Variants in CTNNA3 observed in about 807,000 individuals in gnomAD.
CTNNA3 encodes the protein catenin alpha-3.
In CTNNA3, 76 loss-of-function variants were observed where a neutral mutation model predicts 95.7. The observed-to-expected ratio is 0.79, with a 90% CI of 0.66 to 0.96. The LOEUF is 0.96. CTNNA3 is among the 40% of genes least tolerant of loss of function. The pLI, the probability that CTNNA3 is intolerant of heterozygous loss-of-function variation, is 0.00. For missense variants in CTNNA3, 1,191 were observed against 1,089.8 expected (o/e 1.09, Z -1.31); for synonymous variants, 431 against 374.4 (o/e 1.15, Z -1.74).
chr10:66,238,136 C>T (rs749285316), intron 13 of CTNNA3, among the ~76,000 whole-genome samples: 1 of 151,850 alleles, frequency 6.6e-6, no homozygotes, highest in Non-Finnish European at 1.5e-5. Context: ...CAGGTTCACC[C>T]TATAGTTTTT....
intron 5 of CTNNA3, among the ~76,000 whole-genome samples, chr10:67,498,754 G>A (rs925406129): frequency 2.0e-5 from 3 of 152,054 alleles, no homozygotes; most frequent in Non-Finnish European, 4.4e-5. Flanking sequence ...TTGGCATATA[G>A]GAATGCTTGT....
At chr10:67,609,031 G>A (rs867421321) in intron 2 of CTNNA3, among the ~76,000 whole-genome samples, 10 of 149,002 alleles carry the variant, frequency 6.7e-5, no homozygotes, top group South Asian at 6.4e-4. Context: ...CAGAGGTTGC[G>A]GTGAGCCGAA....
intron 5 of CTNNA3, among the ~76,000 whole-genome samples, chr10:67,354,921 G>A (rs751671982): frequency 2.0e-5 from 3 of 151,956 alleles, no homozygotes; most frequent in Non-Finnish European, 4.4e-5. Flanking sequence ...GAAAAGGAAT[G>A]AAGGGTTTCC....
intron 5 of CTNNA3, among the ~76,000 whole-genome samples, chr10:67,325,756 C>T (rs1167903873): frequency 6.6e-6 from 1 of 151,980 alleles, no homozygotes; most frequent in Non-Finnish European, 1.5e-5. Flanking sequence ...TACATTTGAT[C>T]CAGAGCTGAG....
Position 65,915,432 on chromosome 10 carries a change from C to T in CTNNA3, c.*4898G>A, listed in dbSNP as rs1428073236. The T allele has an allele frequency of 6.6e-6, 1 of 152,080 alleles. No individual in the cohort carries two copies. The highest frequency in any genetic ancestry group is 2.4e-5 in the African/African-American group (1 of 41,392). 9.4% of individuals were successfully genotyped at this position (152,080 alleles called of 1,614,324 possible). Reference sequence around the variant, plus strand: ...GAAAGCTAAATGCTTCTGCAACTACCCCTCTCAGACCCTTCCCTACCTCTG... The same window carrying T: ...GAAAGCTAAATGCTTCTGCAACTACTCCTCTCAGACCCTTCCCTACCTCTG... On this transcript the variant is annotated 3_prime_UTR_variant, in exon 18 of 18. Transcript: ENST00000433211.
chr10:66,633,702 A>C (rs1845235698), intron 9 of CTNNA3, among the ~76,000 whole-genome samples: 1 of 152,100 alleles, frequency 6.6e-6, no homozygotes, highest in Non-Finnish European at 1.5e-5. Context: ...TATTTACTTA[A>C]AATTATGTAT....
chr10:66,223,556 C>T (rs1489631693), intron 13 of CTNNA3, among the ~76,000 whole-genome samples: 3 of 152,124 alleles, frequency 2.0e-5, no homozygotes, highest in Non-Finnish European at 4.4e-5. Context: ...AGATTCGTTT[C>T]TATTTTTCAG....
chr10:66,512,403 T>C (rs947420415), intron 11 of CTNNA3, among the ~76,000 whole-genome samples: 2 of 152,068 alleles, frequency 1.3e-5, no homozygotes, highest in African/African-American at 2.4e-5. Context: ...TTTATTCTTG[T>C]CATTTTGTTA....
chr10:66,511,121 A>C lies in CTNNA3; in HGVS notation c.1531+9496T>G, dbSNP rs1840641821. 2.0e-5 allele frequency among the ~76,000 whole-genome samples: 3 copies of C among 151,472 alleles called. No homozygotes were observed. In the South Asian group the frequency reaches 6.2e-4, roughly 31 times the overall value. ...TTTTGGTTCAATCTTGGTATTTTAT[A>C]CTTGTGTCTAGGAATGTATCCATTT... is the stretch of plus-strand genomic sequence containing the variant. On this transcript the variant is annotated intron_variant, in intron 11 of 17. Transcript: ENST00000433211.
intron 1 of CTNNA3, among the ~76,000 whole-genome samples, chr10:67,726,004 A>G (rs1210522966): frequency 7.3e-6 from 1 of 137,456 alleles, no homozygotes; most frequent in East Asian, 2.1e-4. Context: ...TATATATTAT[A>G]TATCTAAATC....
intron 9 of CTNNA3, among the ~76,000 whole-genome samples, chr10:66,733,370 A>G (rs1849025693): frequency 6.6e-6 from 1 of 152,018 alleles, no homozygotes; most frequent in Non-Finnish European, 1.5e-5. Flanking sequence ...ATATTCCTTA[A>G]TTTATAACAT....
chr10:66,987,845 T>C (rs985945228), intron 7 of CTNNA3, among the ~76,000 whole-genome samples: 12 of 152,190 alleles, frequency 7.9e-5, no homozygotes, highest in Admixed American at 7.9e-4. Flanking sequence ...ATCAGTGGCT[T>C]TACAATTTAA....
At chr10:67,471,508 C>CA (rs1436784590) in intron 5 of CTNNA3, among the ~76,000 whole-genome samples, 2 of 152,186 alleles carry the variant, frequency 1.3e-5, no homozygotes, top group Non-Finnish European at 1.5e-5. Flanking sequence ...AATTCCTTCC[C>CA]AATCTCAAGT....
intron 7 of CTNNA3, among the ~76,000 whole-genome samples, chr10:67,074,511 C>G (rs7902260): frequency 0.065 from 9,915 of 151,542 alleles, 364 homozygotes; most frequent in South Asian, 0.19. Flanking sequence ...CCACCACGCC[C>G]GGCTAATTTT....
At chr10:67,178,902 CATGTCATGTCT>C (rs200399035) in intron 7 of CTNNA3, among the ~76,000 whole-genome samples, 57,199 of 151,788 alleles carry the variant, frequency 0.38, 14,991 homozygotes, top group African/African-American at 0.75. Flanking sequence ...CATTCTAGGA[CATGTCATGTCT>C]AGGACATGAC....
At chr10:66,958,740 T>C (rs888475844) in intron 7 of CTNNA3, among the ~76,000 whole-genome samples, 3 of 152,146 alleles carry the variant, frequency 2.0e-5, no homozygotes, top group African/African-American at 4.8e-5. Flanking sequence ...CTACTACTCC[T>C]GGGGCAAACT....
At chr10:66,489,347 T>C (rs1484700657) in intron 11 of CTNNA3, among the ~76,000 whole-genome samples, 2 of 152,128 alleles carry the variant, frequency 1.3e-5, no homozygotes, top group Admixed American at 6.5e-5. Flanking sequence ...CGTTAGGAAT[T>C]GATTGAAGGA....
At chr10:67,482,988 T>C (rs1848296765) in intron 5 of CTNNA3, among the ~76,000 whole-genome samples, 1 of 152,150 alleles carries the variant, frequency 6.6e-6, no homozygotes, top group Admixed American at 6.5e-5. Flanking sequence ...AAAGAAGACA[T>C]TTATGTAGCC....
At chr10:67,284,989 TG>T (rs1263686062) in intron 5 of CTNNA3, among the ~76,000 whole-genome samples, 1 of 152,206 alleles carries the variant, frequency 6.6e-6, no homozygotes. Flanking sequence ...AAAGCGTTTT[TG>T]CTCCTGACTA....
Sources: allele counts gnomAD v4.1 joint callset (sites outside exome capture counted in the v4.1 genomes callset), GRCh38; gene constraint gnomAD v4.1.1; transcripts MANE v1.5; gene names NCBI Gene and HGNC (gene_info 2026-07-23, HGNC 2026-07-21).